NHSL2: variants seen among roughly 807,000 people sequenced by gnomAD.
The protein encoded by NHSL2 is NHS-like protein 2.
In NHSL2, 27 loss-of-function variants were observed where a neutral mutation model predicts 53.4. The observed-to-expected ratio is 0.51, with a 90% CI of 0.37 to 0.70. The LOEUF (loss-of-function observed/expected upper bound fraction) is 0.70, where lower values mean the gene tolerates loss of function less well. NHSL2 is among the 30% of genes least tolerant of loss of function. The pLI, the probability that NHSL2 is intolerant of heterozygous loss-of-function variation, is 0.00. For missense variants in NHSL2, 892 were observed against 980.1 expected (o/e 0.91, Z 1.20); for synonymous variants, 408 against 404.1 (o/e 1.01, Z -0.12).
chrX:72,141,843 C>T (rs1037078510), intron 6 of NHSL2, among the ~76,000 whole-genome samples: 11 of 112,019 alleles, frequency 9.8e-5, no homozygotes, highest in Non-Finnish European at 1.9e-4. Context: ...GAAAACACTT[C>T]CTCAGACTCC....
chrX:72,005,439 G>T (rs1253790867), intron 1 of NHSL2, among the ~76,000 whole-genome samples: 2 of 112,029 alleles, frequency 1.8e-5, no homozygotes, highest in Non-Finnish European at 3.8e-5. Flanking sequence ...TTCTTTGCAG[G>T]GTGGGATTCT....
At chrX:72,015,500 G>A (rs745877247) in intron 1 of NHSL2, among the ~76,000 whole-genome samples, 1 of 112,318 alleles carries the variant, frequency 8.9e-6, no homozygotes, top group Non-Finnish European at 1.9e-5. Flanking sequence ...ACGTGCAGGA[G>A]TTTCTTCATG....
intron 1 of NHSL2, among the ~76,000 whole-genome samples, chrX:72,068,954 C>G (rs1403107893): frequency 1.8e-5 from 2 of 112,671 alleles, no homozygotes; most frequent in African/African-American, 6.5e-5. Context: ...GCTTTGTGCT[C>G]TGCCCAAATT....
chrX:71,939,232 G>A (rs981113289), intron 1 of NHSL2, among the ~76,000 whole-genome samples: 1 of 111,791 alleles, frequency 8.9e-6, no homozygotes, highest in African/African-American at 3.3e-5. Flanking sequence ...GCCTAGAGAG[G>A]CAGGCAGGGA....
chrX:71,986,012 G>A, intron 1 of NHSL2, among the ~76,000 whole-genome samples: 1 of 111,822 alleles, frequency 8.9e-6, no homozygotes, highest in Non-Finnish European at 1.9e-5. Flanking sequence ...ATGATTTTAT[G>A]TAATAATTAT....
At chrX:71,951,691 T>C (rs1053283826) in intron 1 of NHSL2, among the ~76,000 whole-genome samples, 10 of 112,395 alleles carry the variant, frequency 8.9e-5, no homozygotes, top group African/African-American at 3.2e-4. Context: ...AGTCTTGTTT[T>C]CCAAACACTC....
chrX:71,940,762 T>C (rs2041762033), intron 1 of NHSL2, among the ~76,000 whole-genome samples: 1 of 109,768 alleles, frequency 9.1e-6, no homozygotes, highest in African/African-American at 3.3e-5. Flanking sequence ...TTGTAGATGA[T>C]AGAAGTGCTC....
intron 1 of NHSL2, among the ~76,000 whole-genome samples, chrX:72,062,428 A>T (rs1006182175): frequency 6.2e-5 from 7 of 112,490 alleles, no homozygotes; most frequent in Non-Finnish European, 1.1e-4. Context: ...GCTCAAAAAT[A>T]CTTGGAGACC....
intron 1 of NHSL2, among the ~76,000 whole-genome samples, chrX:71,940,259 G>T (rs1317133368): frequency 8.9e-6 from 1 of 112,390 alleles, no homozygotes; most frequent in African/African-American, 3.2e-5. Context: ...AAGAAGATCT[G>T]ATAAACAACA....
chrX:72,059,415 C>A (rs761781239), intron 1 of NHSL2, among the ~76,000 whole-genome samples: 1 of 111,821 alleles, frequency 8.9e-6, no homozygotes, highest in Admixed American at 9.5e-5. Flanking sequence ...CACACCCATT[C>A]TCATGACATT....
rs747748396 is a variant in NHSL2, at chrX:72,138,785, G to A, written c.1237G>A (p.Glu413Lys). 5 of 1,209,021 alleles carry A rather than the reference G, an allele frequency of 4.1e-6. No homozygotes were observed. Among genetic ancestry groups the A allele is most frequent in the Non-Finnish European group, 5.6e-6 (5 of 894,296 alleles). Residue 413 changes from glutamate to lysine, a missense_variant, in exon 6 of 8, where the codon GAA (glutamate) becomes AAA (lysine). By Grantham distance (56) the Glu-to-Lys change is moderately conservative (BLOSUM62 1). Transcript: ENST00000633930. The part of the protein sequence containing the change: ...SATSQSNQVN[E>K]NGKNPSCGNS... ...CACCAGCCAGAGCAATCAAGTCAAT[G>A]AAAATGGGAAAAATCCTTCCTGTGG...
At chrX:72,129,867 C>T in intron 1 of NHSL2, 1 of 1,203,686 alleles carries the variant, frequency 8.3e-7, no homozygotes. Flanking sequence ...CTCGGTGGCC[C>T]CCCTGTCTCG....
At chrX:71,980,910 C>A (rs1040700644) in intron 1 of NHSL2, among the ~76,000 whole-genome samples, 1 of 111,685 alleles carries the variant, frequency 9.0e-6, no homozygotes, top group African/African-American at 3.3e-5. Flanking sequence ...ATTATTTTCC[C>A]TAGACCCAAT....
chrX:72,000,801 G>A (rs1483053460), intron 1 of NHSL2, among the ~76,000 whole-genome samples: 1 of 111,995 alleles, frequency 8.9e-6, no homozygotes, highest in East Asian at 2.8e-4. Flanking sequence ...AGATGAGATG[G>A]GCAGCTTCTC....
chrX:72,047,879 C>G (rs1018676128), intron 1 of NHSL2, among the ~76,000 whole-genome samples: 30 of 110,141 alleles, frequency 2.7e-4, no homozygotes, highest in African/African-American at 8.6e-4. Flanking sequence ...GTTGCCAACT[C>G]CACTAAGCAG....
intron 1 of NHSL2, among the ~76,000 whole-genome samples, chrX:72,079,427 C>T (rs2041770881): frequency 8.9e-6 from 1 of 112,173 alleles, no homozygotes; most frequent in Admixed American, 9.4e-5. Flanking sequence ...CAAGTCTCAT[C>T]CTTTAGCTGT....
At chrX:72,120,735 C>T (rs1252852710) in intron 1 of NHSL2, among the ~76,000 whole-genome samples, 1 of 112,452 alleles carries the variant, frequency 8.9e-6, no homozygotes, top group African/African-American at 3.2e-5. Flanking sequence ...TACACTCCTG[C>T]ATGTGGAGCT....
chrX:72,072,187 A>G (rs900691196), intron 1 of NHSL2, among the ~76,000 whole-genome samples: 2 of 112,959 alleles, frequency 1.8e-5, no homozygotes, highest in African/African-American at 3.2e-5. Context: ...CAAGTTCTGT[A>G]TATATTTTAA....
chrX:71,987,039 C>T (rs2042005882), intron 1 of NHSL2, among the ~76,000 whole-genome samples: 1 of 111,318 alleles, frequency 9.0e-6, no homozygotes, highest in Admixed American at 9.6e-5. Flanking sequence ...TCTTTACACA[C>T]TTTGCATGTA....
Sources: allele counts gnomAD v4.1 joint callset (sites outside exome capture counted in the v4.1 genomes callset), GRCh38; gene constraint gnomAD v4.1.1; transcripts MANE v1.5; gene names NCBI Gene and HGNC (gene_info 2026-07-23, HGNC 2026-07-21).